DZIP1L: variants seen among roughly 807,000 people sequenced by gnomAD.
The protein encoded by DZIP1L is DAZ interacting zinc finger protein 1 like.
DZIP1L carries 90 observed loss-of-function variants against 88.7 expected under a neutral mutation model. The observed-to-expected ratio is 1.02, with a 90% confidence interval of 0.86 to 1.21. The LOEUF (loss-of-function observed/expected upper bound fraction) is 1.21. DZIP1L is among the 50% of genes most tolerant of loss of function. The probability of loss-of-function intolerance (pLI) is 0.00; values close to 1 mark genes in which losing one functional copy is unlikely to be tolerated. For synonymous variants in DZIP1L, 363 were observed against 372.1 expected (o/e 0.98, Z 0.28); for missense variants, 932 against 955.8 (o/e 0.98, Z 0.33).
At chr3:138,085,442 C>G (rs553943349) in intron 7 of DZIP1L, among the ~76,000 whole-genome samples, 1 of 152,156 alleles carries the variant, frequency 6.6e-6, no homozygotes, top group Admixed American at 6.5e-5. Context: ...AAAAAGTGGG[C>G]AAAGGATATG....
Position 138,092,366 on chromosome 3 carries a change from C to A in DZIP1L, c.870+17G>T. 6.7e-7 allele frequency: 1 copy of A among 1,503,386 alleles called. No homozygotes were observed. Among genetic ancestry groups the A allele is most frequent in the South Asian group, 1.4e-5 (1 of 69,922 alleles). 93.1% of individuals were successfully genotyped at this position (1,503,386 alleles called of 1,614,324 possible). On this transcript the variant is annotated intron_variant, in intron 5 of 15. Coordinates refer to ENST00000327532, the MANE Select transcript of DZIP1L (RefSeq NM_173543.3). ...TTTCCAACAAAGAAACTTTAAAAAGCCTTTTATGTTGGGTACCTCTTCTAG... is the reference window on the plus strand; with the variant it reads ...TTTCCAACAAAGAAACTTTAAAAAGACTTTTATGTTGGGTACCTCTTCTAG...
intron 10 of DZIP1L, among the ~76,000 whole-genome samples, chr3:138,078,192 G>C (rs1943499869): frequency 6.6e-6 from 1 of 152,196 alleles, no homozygotes; most frequent in Non-Finnish European, 1.5e-5. Flanking sequence ...ATTAAATGTG[G>C]TAAGTGCTAC....
At position 138,071,740 on chromosome 3, in the gene DZIP1L, C is replaced by T. The variant is rs1943189424; in HGVS notation, c.1518G>A (p.Leu506=). The change falls in exon 12 of 16, where the codon CTG becomes CTA. Residue 506 remains leucine, a synonymous_variant. Transcript: ENST00000327532. ...EQKARKFSEF[L]SLRGKLVKEV... is the part of the protein sequence containing the mutation. ...CCTTGACAAGCTTTCCCCTCAGACT[C>T]AGAAATTCAGAAAACTTCCGGGCCT... 6.2e-7 allele frequency: 1 copy of T among 1,614,188 alleles called. No individual in the cohort carries two copies. Among genetic ancestry groups the T allele is most frequent in the Admixed American group, 1.7e-5 (1 of 60,032 alleles).
At chr3:138,112,843 A>C (rs112031874) in intron 1 of DZIP1L, among the ~76,000 whole-genome samples, 3,296 of 152,240 alleles carry the variant, frequency 0.022, 41 homozygotes, top group Non-Finnish European at 0.03. Flanking sequence ...GCTACTCGGG[A>C]GGCTGAGGCA....
At chr3:138,108,100 C>T in intron 1 of DZIP1L, 1 of 592,612 alleles carries the variant, frequency 1.7e-6, no homozygotes, top group Non-Finnish European at 2.1e-6. Context: ...TCTCCTGCCT[C>T]AGCCTCCCAA....
intron 12 of DZIP1L, among the ~76,000 whole-genome samples, chr3:138,070,879 G>A (rs2107742217): frequency 6.6e-6 from 1 of 152,250 alleles, no homozygotes; most frequent in Non-Finnish European, 1.5e-5. Context: ...CACCACAGCA[G>A]CCCAGACCCT....
At chr3:138,086,138 A>G (rs1361533222) in intron 7 of DZIP1L, among the ~76,000 whole-genome samples, 1 of 152,014 alleles carries the variant, frequency 6.6e-6, no homozygotes, top group Non-Finnish European at 1.5e-5. Flanking sequence ...GGATAGCATT[A>G]GGAGATATAC....
intron 5 of DZIP1L, among the ~76,000 whole-genome samples, chr3:138,090,314 A>G (rs1944147107): frequency 6.6e-6 from 1 of 152,164 alleles, no homozygotes; most frequent in Non-Finnish European, 1.5e-5. Context: ...TGACCCTTGA[A>G]GAGGTGGTTT....
intron 11 of DZIP1L, among the ~76,000 whole-genome samples, chr3:138,076,790 A>G (rs1215348367): frequency 2.0e-5 from 3 of 152,148 alleles, no homozygotes; most frequent in African/African-American, 7.2e-5. Context: ...ATAAAAGGCT[A>G]CACACTGGGT....
intron 2 of DZIP1L, chr3:138,102,866 G>A (rs1335940700): frequency 6.0e-6 from 4 of 666,064 alleles, no homozygotes; most frequent in African/African-American, 5.3e-5. Flanking sequence ...CTGAAGACCT[G>A]GGGGCCAGAG....
In DZIP1L at chr3:138,103,752, G is replaced by A. The variant is rs147377503; in HGVS notation, c.220C>T (p.Arg74Cys). The A allele has an allele frequency of 1.1e-5, 17 of 1,613,840 alleles. No homozygotes were observed. The highest frequency in any genetic ancestry group is 4.4e-5 in the South Asian group (4 of 91,094). ...GCCGGGTCCACAGGCTGCCCACAGC[G>A]GCTGCACACCTCCCGGTCCAAGTTG... ...FCNLDREVCS[R>C]CGQPVDPALL... Residue 74 changes from arginine (R) to cysteine (C), a missense_variant, in exon 2 of 16, where the codon CGC becomes TGC. Arg to Cys is a radical substitution (Grantham distance 180, BLOSUM62 -3). Coordinates refer to ENST00000327532, the MANE Select transcript of DZIP1L (RefSeq NM_173543.3).
Position 138,092,559 on chromosome 3 carries a change from A to G in DZIP1L, c.709-15T>C. 1 of 1,559,448 alleles carries G rather than the reference A, an allele frequency of 6.4e-7. No homozygotes were observed. The highest frequency in any genetic ancestry group is 8.6e-7 in the Non-Finnish European group (1 of 1,162,128). ...AGCTCTGCTTCCTAAAAAGAAGAGC[A>G]AGAACAATATGATGATTAATTCCAC... On this transcript the variant is annotated splice_polypyrimidine_tract_variant and intron_variant, in intron 4 of 15. Transcript: ENST00000327532.
At position 138,084,162 on chromosome 3, in the gene DZIP1L, C is replaced by T. The variant is rs769472234; in HGVS notation, c.1154G>A (p.Arg385His). 28 of 1,614,078 alleles carry T rather than the reference C, an allele frequency of 1.7e-5. No individual in the cohort carries two copies. The highest frequency in any genetic ancestry group is 6.7e-5 in the African/African-American group (5 of 74,946). ...AQSQCQISTL[R>H]AQLQEQARII... ...CCTAGCTTGTTCCTGCAGCTGGGCA[C>T]GGAGGGTGCTGATCTGGCACTGGGA... The change falls in exon 8 of 16, where the codon CGT (arginine) becomes CAT (histidine). Residue 385 changes from arginine to histidine, a missense_variant. Arg to His is a conservative substitution (Grantham distance 29). Coordinates refer to ENST00000327532, the MANE Select transcript of DZIP1L (RefSeq NM_173543.3).
Position 138,092,528 on chromosome 3 carries a change from T to A in DZIP1L, c.725A>T (p.His242Leu). Reference sequence around the variant, plus strand: ...TTTCTTAGCTTCTATTTCCCTCTGATGAATGAGCTCTGCTTCCTAAAAAGA... The same window carrying A: ...TTTCTTAGCTTCTATTTCCCTCTGAAGAATGAGCTCTGCTTCCTAAAAAGA... ...QRQLQEAELI[H>L]QREIEAKKEF... Residue 242 changes from histidine to leucine, a missense_variant, in exon 5 of 16, where the codon CAT becomes CTT. By Grantham distance (99) the His-to-Leu change is moderately conservative. Coordinates refer to ENST00000327532, the MANE Select transcript of DZIP1L (RefSeq NM_173543.3). 6.3e-7 allele frequency: 1 copy of A among 1,589,590 alleles called. No homozygotes were observed. The highest frequency in any genetic ancestry group is 1.4e-5 in the African/African-American group (1 of 73,544).
chr3:138,076,675 A>G (rs888381464), intron 11 of DZIP1L, among the ~76,000 whole-genome samples: 2 of 152,204 alleles, frequency 1.3e-5, no homozygotes, highest in African/African-American at 4.8e-5. Flanking sequence ...CAAACATCGT[A>G]TGTTCTCACT....
At chr3:138,086,875 G>A in intron 7 of DZIP1L, 86 bp downstream of exon 7, 2 of 1,380,338 alleles carry the variant, frequency 1.4e-6, no homozygotes, top group Non-Finnish European at 2.0e-6. Context: ...TAGGGGAGAT[G>A]GTGGGTGAGG....
intron 3 of DZIP1L, among the ~76,000 whole-genome samples, chr3:138,095,903 T>C (rs1421565373): frequency 6.6e-6 from 1 of 152,186 alleles, no homozygotes; most frequent in Admixed American, 6.5e-5. Context: ...GAATGAATTA[T>C]AAAAAACATC....
chr3:138,092,251 G>T, intron 5 of DZIP1L, 132 bp downstream of exon 5: 2 of 987,586 alleles, frequency 2.0e-6, no homozygotes, highest in Non-Finnish European at 2.7e-6. Context: ...CTAATATCAG[G>T]CCTCTGATAA....
At position 138,071,205 on chromosome 3, in the gene DZIP1L, T is replaced by C. The variant is rs188556552; in HGVS notation, c.1615+438A>G. ...CATTCAATTGATATTTGCCTCCACC[T>C]GCAGCTTCAATGCTCCCGGGCCTCT... is the stretch of plus-strand genomic sequence containing the variant. On this transcript the variant is annotated intron_variant, in intron 12 of 15. Coordinates refer to ENST00000327532, the MANE Select transcript of DZIP1L (RefSeq NM_173543.3). Among the ~76,000 whole-genome samples the C allele has an allele frequency of 7.0e-4, 107 of 152,348 alleles. 1 individual carries two copies. The highest frequency in any genetic ancestry group is 2.7e-3 in the Admixed American group (41 of 15,310).
Sources: allele counts gnomAD v4.1 joint callset (sites outside exome capture counted in the v4.1 genomes callset), GRCh38; gene constraint gnomAD v4.1.1; transcripts MANE v1.5; gene names NCBI Gene and HGNC (gene_info 2026-07-23, HGNC 2026-07-21).